The following SLC6A11 variants were observed in gnomAD, a reference collection of about 807,000 sequenced individuals.
SLC6A11 encodes the protein solute carrier family 6 member 11, also known as sodium- and chloride-dependent GABA transporter 3.
SLC6A11 carries 25 observed loss-of-function variants against 74.8 expected under a neutral mutation model. The ratio of observed to expected loss-of-function variants is 0.33; its 90% CI spans 0.24 to 0.47. The LOEUF (loss-of-function observed/expected upper bound fraction) is 0.47, where lower values mean the gene tolerates loss of function less well. Among genes scored for constraint, SLC6A11 ranks in the 20% least tolerant of loss-of-function variants. The pLI, the probability that SLC6A11 is intolerant of heterozygous loss-of-function variation, is 1.00. For missense variants in SLC6A11, 574 were observed against 837.0 expected (o/e 0.69, Z 3.88); for synonymous variants, 330 against 330.2 (o/e 1.00, Z 0.01).
At chr3:10,899,059 A>G (rs1695205345) in intron 6 of SLC6A11, among the ~76,000 whole-genome samples, 3 of 152,296 alleles carry the variant, frequency 2.0e-5, no homozygotes, top group South Asian at 4.1e-4. Flanking sequence ...ATTCACTACC[A>G]TGAGAACAGT....
intron 7 of SLC6A11, 144 bp downstream of exon 7, chr3:10,912,337 G>A: frequency 1.6e-6 from 1 of 631,484 alleles, no homozygotes; most frequent in South Asian, 1.9e-5. Flanking sequence ...CACTACCGAA[G>A]GGTCAAAGAG....
chr3:10,911,712 C>G (rs1283091715), intron 6 of SLC6A11, among the ~76,000 whole-genome samples: 1 of 152,112 alleles, frequency 6.6e-6, no homozygotes, highest in Non-Finnish European at 1.5e-5. Context: ...TTGCATGAAT[C>G]CTTGCAACAG....
Position 10,938,458 on chromosome 3 carries a change from G to A in SLC6A11, c.*56G>A. ...CTTTCTTCCCCCCGTGTATGTAAAT[G>A]AATTCCTGAACCCCATACTTCACCT... On this transcript the variant is annotated 3_prime_UTR_variant, in exon 14 of 14. Coordinates refer to ENST00000254488, the MANE Select transcript of SLC6A11 (RefSeq NM_014229.3). 2 of 1,516,252 alleles carry A rather than the reference G, an allele frequency of 1.3e-6. No homozygotes were observed. The highest frequency in any genetic ancestry group is 1.8e-6 in the Non-Finnish European group (2 of 1,118,676). 93.9% of individuals were successfully genotyped at this position (1,516,252 alleles called of 1,614,324 possible).
intron 8 of SLC6A11, among the ~76,000 whole-genome samples, chr3:10,921,787 G>T (rs867465108): frequency 2.0e-5 from 3 of 152,124 alleles, no homozygotes; most frequent in African/African-American, 7.2e-5. Flanking sequence ...AATGGGAAAA[G>T]ATATACCATT....
intron 6 of SLC6A11, among the ~76,000 whole-genome samples, chr3:10,879,554 G>A (rs1694950358): frequency 6.6e-6 from 1 of 152,198 alleles, no homozygotes; most frequent in African/African-American, 2.4e-5. Flanking sequence ...CTCAATCACA[G>A]GTTGCACCCG....
chr3:10,861,754 A>T (rs1376270187), intron 5 of SLC6A11, among the ~76,000 whole-genome samples: 1 of 152,152 alleles, frequency 6.6e-6, no homozygotes, highest in Non-Finnish European at 1.5e-5. Flanking sequence ...AAGAAAGAGG[A>T]TAGACAGCTT....
chr3:10,849,480 T>C (rs984867952), intron 5 of SLC6A11, among the ~76,000 whole-genome samples: 2 of 152,180 alleles, frequency 1.3e-5, no homozygotes, highest in African/African-American at 4.8e-5. Flanking sequence ...ATTGACCAAG[T>C]CTGTTTTTGT....
At chr3:10,874,272 A>T (rs1694881806) in intron 5 of SLC6A11, among the ~76,000 whole-genome samples, 1 of 152,190 alleles carries the variant, frequency 6.6e-6, no homozygotes, top group African/African-American at 2.4e-5. Flanking sequence ...TGTGTGCTGG[A>T]TTGTGATGTA....
chr3:10,925,588 C>T (rs1385425726), intron 8 of SLC6A11, among the ~76,000 whole-genome samples: 1 of 152,192 alleles, frequency 6.6e-6, no homozygotes, highest in East Asian at 1.9e-4. Context: ...AGCCTGGACC[C>T]GACCTACGTA....
chr3:10,843,033 G>C (rs1219334603), intron 4 of SLC6A11, among the ~76,000 whole-genome samples: 2 of 152,150 alleles, frequency 1.3e-5, no homozygotes, highest in African/African-American at 4.8e-5. Context: ...GAAGCGACTG[G>C]CATGGTCTGA....
intron 5 of SLC6A11, among the ~76,000 whole-genome samples, chr3:10,857,556 T>G (rs3774117): frequency 0.19 from 28,837 of 152,082 alleles, 3,442 homozygotes; most frequent in South Asian, 0.34. Context: ...GAGCAGACGA[T>G]AATTCACTCG....
chr3:10,838,457 C>T (rs144446004), intron 4 of SLC6A11, among the ~76,000 whole-genome samples: 85 of 152,316 alleles, frequency 5.6e-4, no homozygotes, highest in African/African-American at 2.0e-3. Flanking sequence ...TTTCAACTCT[C>T]AATCTGGGGG....
intron 5 of SLC6A11, among the ~76,000 whole-genome samples, chr3:10,857,118 G>A (rs999924073): frequency 2.0e-5 from 3 of 152,204 alleles, no homozygotes; most frequent in African/African-American, 7.2e-5. Context: ...TCTGGAGTAA[G>A]TGTTGTCAAA....
chr3:10,924,173 A>G (rs1433630552), intron 8 of SLC6A11, among the ~76,000 whole-genome samples: 1 of 152,198 alleles, frequency 6.6e-6, no homozygotes, highest in Admixed American at 6.5e-5. Context: ...GAATATGAAT[A>G]AGCTCTGTGG....
intron 9 of SLC6A11, among the ~76,000 whole-genome samples, chr3:10,928,705 A>G (rs1695642983): frequency 6.6e-6 from 1 of 152,174 alleles, no homozygotes; most frequent in African/African-American, 2.4e-5. Flanking sequence ...TCTGCCAGAA[A>G]GAAAGGGCAG....
At chr3:10,873,428 T>TG (rs1394457022) in intron 5 of SLC6A11, among the ~76,000 whole-genome samples, 1 of 150,862 alleles carries the variant, frequency 6.6e-6, no homozygotes, top group Non-Finnish European at 1.5e-5. Flanking sequence ...TCCTATCCTA[T>TG]CCTATCCTAT....
chr3:10,888,921 A>G (rs971795314), intron 6 of SLC6A11, among the ~76,000 whole-genome samples: 13 of 152,188 alleles, frequency 8.5e-5, no homozygotes, highest in African/African-American at 2.9e-4. Context: ...CCAAGTATCC[A>G]TTCTTGCTAG....
chr3:10,846,552 GA>G, intron 5 of SLC6A11, among the ~76,000 whole-genome samples: 1 of 152,350 alleles, frequency 6.6e-6, no homozygotes, highest in East Asian at 1.9e-4. Context: ...GCCATAAGGA[GA>G]AGACTCAGTC....
chr3:10,920,216 GA>G (rs1194828581), intron 8 of SLC6A11, among the ~76,000 whole-genome samples: 2 of 151,866 alleles, frequency 1.3e-5, no homozygotes, highest in Non-Finnish European at 2.9e-5. Flanking sequence ...GTAATAGGAA[GA>G]AAAAAATCCA....
Sources: allele counts gnomAD v4.1 joint callset (sites outside exome capture counted in the v4.1 genomes callset), GRCh38; gene constraint gnomAD v4.1.1; transcripts MANE v1.5; gene names NCBI Gene and HGNC (gene_info 2026-07-23, HGNC 2026-07-21).